CLVS1: variants seen among roughly 807,000 people sequenced by gnomAD.
CLVS1 encodes the protein clavesin 1, also known as clavesin-1.
In CLVS1, 10 loss-of-function variants were observed where a neutral mutation model predicts 33.1. The observed-to-expected ratio is 0.30, with a 90% confidence interval of 0.19 to 0.51. The LOEUF is 0.51. Ranked by LOEUF, CLVS1 falls within the 20% of genes least tolerant of loss-of-function variation. The pLI is 0.97. For missense variants in CLVS1, 343 were observed against 433.4 expected, an observed-to-expected ratio of 0.79 and a Z score of 1.85; for synonymous variants, 163 against 166.1, an observed-to-expected ratio of 0.98 and a Z score of 0.14.
chr8:61,489,476 A>T (rs1803994348), intron 5 of CLVS1, among the ~76,000 whole-genome samples: 1 of 152,206 alleles, frequency 6.6e-6, no homozygotes, highest in South Asian at 2.1e-4. Flanking sequence ...GCAAAATGGA[A>T]TTAACAATAC....
chr8:61,090,755 T>C, intron 1 of CLVS1: 1 of 424,126 alleles, frequency 2.4e-6, no homozygotes. Context: ...ACTTGTTTCC[T>C]AATTTCACAG....
At chr8:61,238,569 A>T (rs975872102) in intron 2 of CLVS1, among the ~76,000 whole-genome samples, 26 of 152,028 alleles carry the variant, frequency 1.7e-4, no homozygotes, top group Non-Finnish European at 3.5e-4. Flanking sequence ...AGATGGATAG[A>T]TTTTCTCTGC....
chr8:61,140,969 TA>T (rs1374616933), intron 2 of CLVS1, among the ~76,000 whole-genome samples: 3 of 152,204 alleles, frequency 2.0e-5, no homozygotes, highest in African/African-American at 7.2e-5. Context: ...CTCTCCTTGT[TA>T]CTAAGGGAGT....
At chr8:61,023,735 G>T in the CLVS1 span, among the ~76,000 whole-genome samples, 1 of 152,206 alleles carries the variant, frequency 6.6e-6, no homozygotes, top group South Asian at 2.1e-4. Flanking sequence ...GCCGGCCCCA[G>T]GGTGGGGGAG....
intron 2 of CLVS1, among the ~76,000 whole-genome samples, chr8:61,315,026 T>G (rs1248439824): frequency 1.3e-5 from 2 of 152,200 alleles, no homozygotes; most frequent in Non-Finnish European, 2.9e-5. Context: ...CAGGCAAGCA[T>G]GAAGTATCTT....
intron 2 of CLVS1, among the ~76,000 whole-genome samples, chr8:61,281,763 A>C (rs2129593228): frequency 6.6e-6 from 1 of 152,198 alleles, no homozygotes; most frequent in South Asian, 2.1e-4. Context: ...CTGCATCTTC[A>C]AGGTATCCAC....
rs535128984 is a variant in CLVS1, at chr8:61,249,090, G to T, written c.-151-50587G>T. 2.7e-4 allele frequency among the ~76,000 whole-genome samples: 41 copies of T among 152,180 alleles called. No homozygotes were observed. The East Asian group carries it at 3.5e-3, about 13-fold the overall frequency. ...GTCCCCCACCCCCTGACAGGCCCCA[G>T]TGTGTGATGTTCTCCTTCCTGTGTC... On this transcript the variant is annotated intron_variant, in intron 2 of 2. Coordinates refer to the CLVS1 transcript ENST00000522621.
rs1346235529 is a variant in CLVS1, at chr8:61,500,759, C to T, written c.*1217C>T. 6.6e-6 allele frequency: 1 copy of T among 152,048 alleles called. No individual in the cohort carries two copies. Among genetic ancestry groups the T allele is most frequent in the African/African-American group, 2.4e-5 (1 of 41,396 alleles). The allele number at this position is 152,048 out of a possible 1,614,324, so 9.4% of individuals were successfully genotyped here. On this transcript the variant is annotated 3_prime_UTR_variant, in exon 6 of 6. Coordinates refer to ENST00000325897, the MANE Select transcript of CLVS1 (RefSeq NM_173519.3). ...ATGACATGGGTATTTATTAGTATTA[C>T]CAGTTGGTGCTCAAAGTCAAACAAA...
At chr8:61,456,698 C>G (rs925855677) in intron 4 of CLVS1, among the ~76,000 whole-genome samples, 1 of 151,936 alleles carries the variant, frequency 6.6e-6, no homozygotes, top group African/African-American at 2.4e-5. Flanking sequence ...ATGCGGATCA[C>G]GAGGTCAGGA....
intron 2 of CLVS1, among the ~76,000 whole-genome samples, chr8:61,328,807 C>T (rs1309468802): frequency 6.6e-6 from 1 of 152,192 alleles, no homozygotes; most frequent in East Asian, 1.9e-4. Flanking sequence ...TAACTCCCCT[C>T]TATCCTCATC....
intron 2 of CLVS1, among the ~76,000 whole-genome samples, chr8:61,260,177 A>G (rs1312116384): frequency 6.6e-6 from 1 of 152,190 alleles, no homozygotes; most frequent in Non-Finnish European, 1.5e-5. Flanking sequence ...CAGAGCACTT[A>G]CATGCTATAC....
intron 2 of CLVS1, among the ~76,000 whole-genome samples, chr8:61,303,434 T>C (rs1038895260): frequency 6.6e-6 from 1 of 152,366 alleles, no homozygotes; most frequent in East Asian, 1.9e-4. Flanking sequence ...GGCTCATGAA[T>C]GTGAAGCTTA....
At chr8:60,996,856 C>T in the CLVS1 span, among the ~76,000 whole-genome samples, 1 of 152,176 alleles carries the variant, frequency 6.6e-6, no homozygotes, top group African/African-American at 2.4e-5. Flanking sequence ...TCCTGACCTT[C>T]TCTGCTCTTT....
At chr8:61,140,621 G>T (rs1806290349) in intron 2 of CLVS1, among the ~76,000 whole-genome samples, 1 of 152,108 alleles carries the variant, frequency 6.6e-6, no homozygotes, top group Non-Finnish European at 1.5e-5. Context: ...GGAGCGCAGT[G>T]GCGCGATCTC....
rs1053555663 is a variant in CLVS1, at chr8:61,224,271, T to C, written c.-151-75406T>C. On this transcript the variant is annotated intron_variant, in intron 2 of 2. Transcript: ENST00000522621. ...ACTCTGGCCTTTTGGGTTTTCAGCA[T>C]TTTTTCATTGATTCTTTCTCAACTT... 1.3e-4 allele frequency among the ~76,000 whole-genome samples: 20 copies of C among 152,338 alleles called. No homozygotes were observed. The East Asian group carries it at 2.9e-3, about 22-fold the overall frequency.
At chr8:61,084,066 A>C (rs1805074420) in intron 1 of CLVS1, among the ~76,000 whole-genome samples, 1 of 152,240 alleles carries the variant, frequency 6.6e-6, no homozygotes, top group South Asian at 2.1e-4. Context: ...TGGGGTAAAT[A>C]ATAACATCCT....
intron 2 of CLVS1, among the ~76,000 whole-genome samples, chr8:61,317,356 G>A (rs986007641): frequency 6.6e-6 from 1 of 152,254 alleles, no homozygotes; most frequent in Non-Finnish European, 1.5e-5. Flanking sequence ...CCTTTCCTGA[G>A]GGGAGGAGTC....
Position 61,398,514 on chromosome 8 carries a change from G to A in CLVS1, c.630+21735G>A, listed in dbSNP as rs140888512. Among the ~76,000 whole-genome samples the A allele has an allele frequency of 2.6e-5, 4 of 152,162 alleles. No homozygotes were observed. In the East Asian group the frequency reaches 7.7e-4, roughly 29 times the overall value. ...TGCATTTCTTTTGTTAAATTTATTT[G>A]TAGGTATTTTATTGTTTTTGATTTT... On this transcript the variant is annotated intron_variant, in intron 3 of 5. Coordinates refer to ENST00000325897, the MANE Select transcript of CLVS1 (RefSeq NM_173519.3).
chr8:61,347,626 TTATATATA>T lies in CLVS1; in HGVS notation c.456-28929_456-28922del, dbSNP rs56179025. 1.5e-3 allele frequency among the ~76,000 whole-genome samples: 57 copies of T among 37,030 alleles called. 1 individual carries two copies. Among genetic ancestry groups the T allele is most frequent in the Admixed American group, 2.3e-3 (8 of 3,440 alleles). The allele number at this position is 37,030 out of a possible 152,430, so 24.3% of individuals were successfully genotyped here. A position where few individuals can be genotyped will look rare whatever the true frequency, so the allele number is the denominator to read the frequency against. On this transcript the variant is annotated intron_variant, in intron 2 of 5. Transcript: ENST00000325897. ...TTATTAGCTCAATTTGGCCATTCCATTATATATATATATATATATATATATATATATAT... is the reference window on the plus strand; with the variant it reads ...TTATTAGCTCAATTTGGCCATTCCATTATATATATATATATATATATATAT...
Sources: allele counts gnomAD v4.1 joint callset (sites outside exome capture counted in the v4.1 genomes callset), GRCh38; gene constraint gnomAD v4.1.1; transcripts MANE v1.5; gene names NCBI Gene and HGNC (gene_info 2026-07-23, HGNC 2026-07-21).